GALNT13: variants seen among roughly 807,000 people sequenced by gnomAD.
GALNT13 encodes the protein UDP-GalNAc:polypeptide N-acetylgalactosaminyltransferase 13.
In GALNT13, 28 loss-of-function variants were observed where a neutral mutation model predicts 64.2. The ratio of observed to expected loss-of-function variants is 0.44; its 90% CI spans 0.32 to 0.60. The LOEUF is 0.60. Ranked by LOEUF, GALNT13 falls within the 20% of genes least tolerant of loss-of-function variation. The pLI is 0.05. For synonymous variants in GALNT13, 214 were observed against 224.6 expected, an observed-to-expected ratio of 0.95 and a Z score of 0.42; for missense variants, 577 against 669.8, an observed-to-expected ratio of 0.86 and a Z score of 1.53.
At chr2:153,652,571 C>G in the GALNT13 span, among the ~76,000 whole-genome samples, 1 of 152,078 alleles carries the variant, frequency 6.6e-6, no homozygotes, top group East Asian at 1.9e-4. Flanking sequence ...GCTGAAATTG[C>G]GCCACTGCAC....
At chr2:153,493,303 G>T in the GALNT13 span, among the ~76,000 whole-genome samples, 1 of 151,820 alleles carries the variant, frequency 6.6e-6, no homozygotes, top group Non-Finnish European at 1.5e-5. Flanking sequence ...GAGAAAAGGA[G>T]GGAGAAAGGA....
intron 9 of GALNT13, among the ~76,000 whole-genome samples, chr2:154,389,205 G>A (rs145429323): frequency 2.3e-3 from 351 of 152,066 alleles, no homozygotes; most frequent in Middle Eastern, 6.8e-3. Context: ...GTGCCATCTC[G>A]GCTCACTGCA....
At chr2:153,737,969 CTACTTAA>C in the GALNT13 span, among the ~76,000 whole-genome samples, 1 of 151,974 alleles carries the variant, frequency 6.6e-6, no homozygotes, top group Non-Finnish European at 1.5e-5. Flanking sequence ...ATTTGCTGGT[CTACTTAA>C]TATAGTCTAT....
chr2:153,987,739 G>A (rs1268946955), intron 3 of GALNT13, among the ~76,000 whole-genome samples: 2 of 151,592 alleles, frequency 1.3e-5, no homozygotes, highest in Non-Finnish European at 2.9e-5. Context: ...CCTGGGCATG[G>A]CACTAGATAG....
chr2:153,650,886 A>G, the GALNT13 span, among the ~76,000 whole-genome samples: 4 of 152,152 alleles, frequency 2.6e-5, no homozygotes, highest in East Asian at 7.7e-4. Flanking sequence ...CTTGGTCGTG[A>G]TGTACCTTCG....
At chr2:153,099,915 G>T in the GALNT13 span, among the ~76,000 whole-genome samples, 3 of 152,288 alleles carry the variant, frequency 2.0e-5, no homozygotes, top group East Asian at 1.9e-4. Flanking sequence ...CTATTGAAAG[G>T]AGTACAGAAG....
the GALNT13 span, among the ~76,000 whole-genome samples, chr2:153,641,094 C>T: frequency 6.6e-6 from 1 of 152,002 alleles, no homozygotes; most frequent in Non-Finnish European, 1.5e-5. Context: ...TGTATCTAAC[C>T]TTGTATTAAA....
chr2:153,072,280 C>T, the GALNT13 span, among the ~76,000 whole-genome samples: 160 of 152,250 alleles, frequency 1.1e-3, 1 homozygote, highest in Non-Finnish European at 2.0e-3. Context: ...GGGACCGGAG[C>T]AGGATTCACC....
the GALNT13 span, among the ~76,000 whole-genome samples, chr2:153,533,320 C>T: frequency 2.0e-4 from 31 of 152,086 alleles, no homozygotes; most frequent in African/African-American, 6.8e-4. Context: ...GGCTTGATCT[C>T]GGCTCACTGT....
chr2:153,925,147 G>A (rs2105345066), intron 2 of GALNT13, among the ~76,000 whole-genome samples: 1 of 152,210 alleles, frequency 6.6e-6, no homozygotes, highest in African/African-American at 2.4e-5. Flanking sequence ...GTCCTGAATG[G>A]TATTGCCTAT....
chr2:153,867,142 A>G (rs1574005784), upstream of GALNT13, among the ~76,000 whole-genome samples: 2 of 152,180 alleles, frequency 1.3e-5, no homozygotes, highest in African/African-American at 4.8e-5. Flanking sequence ...TTATGTTGCT[A>G]AATCTTTGTG....
At chr2:154,273,583 A>T (rs887245117) in intron 8 of GALNT13, among the ~76,000 whole-genome samples, 5 of 152,216 alleles carry the variant, frequency 3.3e-5, no homozygotes, top group African/African-American at 4.8e-5. Context: ...GTGGTCCCAT[A>T]GGATACTACT....
chr2:153,183,341 T>A, the GALNT13 span, among the ~76,000 whole-genome samples: 1 of 152,204 alleles, frequency 6.6e-6, no homozygotes, highest in Non-Finnish European at 1.5e-5. Flanking sequence ...CTCATAAATT[T>A]GTTTAAGTTC....
the GALNT13 span, among the ~76,000 whole-genome samples, chr2:153,096,535 A>G: frequency 7.2e-5 from 11 of 152,320 alleles, no homozygotes; most frequent in African/African-American, 2.6e-4. Flanking sequence ...TACTTTATAT[A>G]TCTGGCTTCT....
chr2:153,482,769 CT>C, the GALNT13 span, among the ~76,000 whole-genome samples: 14,238 of 144,346 alleles, frequency 0.099, 756 homozygotes, highest in South Asian at 0.15. Flanking sequence ...CGCACCCAGC[CT>C]TTTTTTTTTT....
chr2:153,113,612 T>G, the GALNT13 span, among the ~76,000 whole-genome samples: 2 of 152,028 alleles, frequency 1.3e-5, no homozygotes, highest in Non-Finnish European at 2.9e-5. Flanking sequence ...GATGGATTGT[T>G]GTAGTCTTTG....
intron 4 of GALNT13, among the ~76,000 whole-genome samples, chr2:154,185,274 TTC>T (rs964703136): frequency 2.6e-5 from 4 of 152,080 alleles, no homozygotes; most frequent in African/African-American, 7.2e-5. Context: ...GCTTTCAAAA[TTC>T]TCTCTTTGTC....
At chr2:153,536,662 T>C in the GALNT13 span, among the ~76,000 whole-genome samples, 1 of 152,238 alleles carries the variant, frequency 6.6e-6, no homozygotes, top group African/African-American at 2.4e-5. Context: ...ATTTAACTAA[T>C]ATTCATTAGC....
the GALNT13 span, among the ~76,000 whole-genome samples, chr2:153,707,876 AG>A: frequency 6.6e-6 from 1 of 152,152 alleles, no homozygotes; most frequent in Non-Finnish European, 1.5e-5. Flanking sequence ...TAGTTCCAGA[AG>A]GCTTCTGGAC....
Sources: allele counts gnomAD v4.1 joint callset (sites outside exome capture counted in the v4.1 genomes callset), GRCh38; gene constraint gnomAD v4.1.1; transcripts MANE v1.5; gene names NCBI Gene and HGNC (gene_info 2026-07-23, HGNC 2026-07-21).